MRC2: variants seen among roughly 807,000 people sequenced by gnomAD.
The protein encoded by MRC2 is mannose receptor C-type 2, also known as C-type mannose receptor 2.
A neutral mutation model predicts 206.2 loss-of-function variants in MRC2; 84 were observed. The observed-to-expected ratio is 0.41, with a 90% CI of 0.34 to 0.49. The LOEUF is 0.49. Ranked by LOEUF, MRC2 falls within the 20% of genes least tolerant of loss-of-function variation. The probability of loss-of-function intolerance (pLI) is 0.31; values close to 1 mark genes in which losing one functional copy is unlikely to be tolerated. For synonymous variants in MRC2, 798 were observed against 800.0 expected, an observed-to-expected ratio of 1.00 and a Z score of 0.04; for missense variants, 1,676 against 2,001.5, an observed-to-expected ratio of 0.84 and a Z score of 3.10.
At chr17:62,687,072 C>A (rs1433156556) in intron 20 of MRC2, among the ~76,000 whole-genome samples, 1 of 152,162 alleles carries the variant, frequency 6.6e-6, no homozygotes, top group East Asian at 1.9e-4. Flanking sequence ...TAAATTGAGG[C>A]CATAAGGTTG....
chr17:62,648,797 G>A (rs751682118), intron 1 of MRC2, among the ~76,000 whole-genome samples: 9 of 152,156 alleles, frequency 5.9e-5, no homozygotes, highest in Non-Finnish European at 1.0e-4. Flanking sequence ...GTCCTTGGCC[G>A]TATTTCCTCT....
rs1009909809 is a variant in MRC2 at position 62,672,169 on chromosome 17, C to T, written c.1461+17C>T. On this transcript the variant is annotated intron_variant, in intron 8 of 29. Transcript: ENST00000303375. The surrounding 1 kb of genome is among the most constrained non-coding windows in gnomAD (Gnocchi z 4.5). ...TGGGGCCCGGTGAGATCTCCCTCTC[C>T]CTATCACAGGGCCACAAAATACACC... 9 of 1,613,688 alleles carry T rather than the reference C, an allele frequency of 5.6e-6. No individual in the cohort carries two copies. The highest frequency in any genetic ancestry group is 2.2e-5 in the East Asian group (1 of 44,856).
At chr17:62,648,276 C>T (rs945085297) in intron 1 of MRC2, among the ~76,000 whole-genome samples, 4 of 152,204 alleles carry the variant, frequency 2.6e-5, no homozygotes, top group Non-Finnish European at 2.9e-5. Flanking sequence ...TGATGGCACA[C>T]GCCTGTAATC....
At chr17:62,681,791 A>C in intron 18 of MRC2, 46 bp from the exon 19 acceptor site, 1 of 1,498,000 alleles carries the variant, frequency 6.7e-7, no homozygotes, top group African/African-American at 1.4e-5. Context: ...GTGGAGGCCC[A>C]GCTGGGGGCC....
intron 1 of MRC2, among the ~76,000 whole-genome samples, chr17:62,657,562 C>G (rs951761210): frequency 6.6e-6 from 1 of 151,814 alleles, no homozygotes; most frequent in African/African-American, 2.4e-5. Flanking sequence ...TGTGAGGGGC[C>G]CTGCACCTTC....
Position 62,691,123 on chromosome 17 carries a change from C to G in MRC2, c.4187C>G (p.Pro1396Arg). The G allele has an allele frequency of 6.2e-7, 1 of 1,603,520 alleles. No individual in the cohort carries two copies. Among genetic ancestry groups the G allele is most frequent in the Non-Finnish European group, 8.5e-7 (1 of 1,176,224 alleles). ...ACCATGGGTGTCGTCTGCAAGCTTC[C>G]TCGTGGTGAGCGCCGGGCAGGCCCA... is the stretch of plus-strand genomic sequence containing the variant. ...NITMGVVCKL[P>R]RAEQSSFSPS... Residue 1396 changes from proline to arginine, a missense_variant, in exon 28 of 30, where the codon CCT becomes CGT. Coordinates refer to ENST00000303375, the MANE Select transcript of MRC2 (RefSeq NM_006039.5).
intron 1 of MRC2, among the ~76,000 whole-genome samples, chr17:62,635,894 TCTC>T (rs1318325413): frequency 5.3e-5 from 8 of 151,804 alleles, no homozygotes; most frequent in Non-Finnish European, 1.0e-4. Context: ...TTCACGCAAT[TCTC>T]CTGCCTCAGC....
chr17:62,681,560 C>A, intron 18 of MRC2: 1 of 474,582 alleles, frequency 2.1e-6, no homozygotes, highest in African/African-American at 2.0e-5. Flanking sequence ...AGAATTTGAG[C>A]TTGTCTTTTT....
chr17:62,668,359 A>AAAATAAAT (rs372200915), intron 6 of MRC2, among the ~76,000 whole-genome samples: 12 of 147,848 alleles, frequency 8.1e-5, no homozygotes, highest in African/African-American at 2.5e-4. Flanking sequence ...CCTGCCTCAA[A>AAAATAAAT]AAATAAATAA....
intron 9 of MRC2, among the ~76,000 whole-genome samples, chr17:62,674,422 C>T (rs2088864646): frequency 1.3e-5 from 2 of 152,044 alleles, no homozygotes; most frequent in African/African-American, 2.4e-5. Flanking sequence ...ATGGGGGAAG[C>T]CACTTCCTCG....
chr17:62,690,642 C>G lies in MRC2; in HGVS notation c.3893C>G (p.Ala1298Gly). ...TGACGTGGGCCTTCTTTGCATCCAGCGGGTGGGGCCGTCCTGTCTATCCTG... is the reference window on the plus strand; with the variant it reads ...TGACGTGGGCCTTCTTTGCATCCAGGGGGTGGGGCCGTCCTGTCTATCCTG... ...HKEARQRCQR[A>G]GGAVLSILDE... The change falls in exon 27 of 30, where the codon GCG (alanine) becomes GGG (glycine). Residue 1298 changes from alanine to glycine, a missense_variant and splice_region_variant. Coordinates refer to ENST00000303375, the MANE Select transcript of MRC2 (RefSeq NM_006039.5). 1 of 1,598,448 alleles carries G rather than the reference C, an allele frequency of 6.3e-7. No homozygotes were observed.
chr17:62,661,562 CTCCTTCCTTCCTTCATTCCT>C (rs2088681377), intron 1 of MRC2: 3 of 125,462 alleles, frequency 2.4e-5, no homozygotes. Flanking sequence ...TTCTTTCTTT[CTCCTTCCTTCCTTCATTCCT>C]TCCTTCCTTC....
intron 20 of MRC2, among the ~76,000 whole-genome samples, chr17:62,685,054 A>C (rs191436674): frequency 1.4e-4 from 21 of 152,256 alleles, no homozygotes; most frequent in Admixed American, 6.5e-4. Flanking sequence ...AGGCAGCAGA[A>C]TCGCTTGAAC....
chr17:62,674,469 C>T (rs1227680363), intron 9 of MRC2, among the ~76,000 whole-genome samples: 1 of 152,132 alleles, frequency 6.6e-6, no homozygotes, highest in Non-Finnish European at 1.5e-5. Context: ...GCTGGTCTAC[C>T]CCCGAGTGCC....
intron 20 of MRC2, 136 bp downstream of exon 20, chr17:62,682,513 C>T: frequency 9.8e-7 from 1 of 1,022,666 alleles, no homozygotes; most frequent in African/African-American, 1.6e-5. Flanking sequence ...ACTTCTCTTT[C>T]ACCTGGCTCC....
chr17:62,654,367 C>G (rs565190321), intron 1 of MRC2, among the ~76,000 whole-genome samples: 1 of 151,932 alleles, frequency 6.6e-6, no homozygotes, highest in Admixed American at 6.6e-5. Context: ...CTTGGAATGC[C>G]TTCCTTGTCC....
intron 1 of MRC2, among the ~76,000 whole-genome samples, chr17:62,657,919 C>T (rs1235123371): frequency 6.6e-6 from 1 of 152,126 alleles, no homozygotes; most frequent in Non-Finnish European, 1.5e-5. Context: ...ACCCCCTGAC[C>T]CCGGCTTGGC....
chr17:62,638,515 G>A (rs1426111445), intron 1 of MRC2, among the ~76,000 whole-genome samples: 3 of 152,028 alleles, frequency 2.0e-5, no homozygotes, highest in South Asian at 2.1e-4. Context: ...CAAGGTGGGC[G>A]GATCACGAGG....
rs777181942 is a variant in MRC2, at chr17:62,682,214, C to T, written c.2804-21C>T. Reference sequence around the variant, plus strand: ...CCTGCTCTGCCCTGGGGGTGACTGCCCTCCCCTCCCCTTTCCGCAGAGGAC... The same window carrying T: ...CCTGCTCTGCCCTGGGGGTGACTGCTCTCCCCTCCCCTTTCCGCAGAGGAC... On this transcript the variant is annotated intron_variant, in intron 19 of 29. Transcript: ENST00000303375. 9 of 1,546,838 alleles carry T rather than the reference C, an allele frequency of 5.8e-6. No homozygotes were observed. In the African/African-American group the frequency reaches 1.1e-4, roughly 19 times the overall value.
Sources: gnomAD v4.1 joint callset for allele counts (sites outside exome capture counted in the v4.1 genomes callset) on GRCh38, gnomAD v4.1.1 for gene constraint, Gnocchi (gnomAD v3.1) non-coding constraint, MANE v1.5 for transcripts, NCBI Gene and HGNC (gene_info 2026-07-23, HGNC 2026-07-21) for gene names.